The following MORC2 variants were observed in gnomAD, a reference collection of about 807,000 sequenced individuals.
MORC2 encodes the protein ATPase MORC2.
Under a neutral mutation model 136.0 loss-of-function variants are expected in MORC2, and 30 were observed. That is an observed-to-expected ratio of 0.22 (90% CI 0.17 to 0.30). The LOEUF (loss-of-function observed/expected upper bound fraction) is 0.30. MORC2 is among the 10% of genes least tolerant of loss of function. The pLI is 1.00. For synonymous variants in MORC2, 439 were observed against 487.0 expected, an observed-to-expected ratio of 0.90 and a Z score of 1.30; for missense variants, 922 against 1,333.1, an observed-to-expected ratio of 0.69 and a Z score of 4.80.
chr22:30,937,122 G>T lies in MORC2; in HGVS notation c.1499-85C>A. The stretch of plus-strand genomic sequence containing the variant: ...GGGTTCCTCACAGGCCCACCACAAT[G>T]ATGCCCCAGACTTTGTAGGCAAAGA... On this transcript the variant is annotated intron_variant, in intron 15 of 25. Coordinates refer to ENST00000397641, the MANE Select transcript of MORC2 (RefSeq NM_001303256.3). This position sits in a 1 kb window ranked among gnomAD's most constrained non-coding sequence, Gnocchi z 4.7. The T allele has an allele frequency of 1.1e-6, 1 of 918,254 alleles. No individual in the cohort carries two copies. The highest frequency in any genetic ancestry group is 1.8e-6 in the Non-Finnish European group (1 of 565,328). 56.9% of individuals were successfully genotyped at this position (918,254 alleles called of 1,614,324 possible). A position where few individuals can be genotyped will look rare whatever the true frequency, so the allele number is the denominator to read the frequency against.
chr22:30,956,928 AT>A, intron 2 of MORC2, 131 bp from the exon 3 acceptor site: 1 of 673,426 alleles, frequency 1.5e-6, no homozygotes, highest in Non-Finnish European at 2.3e-6. Context: ...TTCTATAGAC[AT>A]TTAGAATTTT....
intron 4 of MORC2, 40 bp downstream of exon 4, chr22:30,950,337 G>GCGGGGGGGGGCC: frequency 2.6e-6 from 2 of 761,758 alleles, no homozygotes; most frequent in Non-Finnish European, 4.7e-6. Context: ...TGGTTACATC[G>GCGGGGGGGGGCC]CACCCCCCCA....
intron 1 of MORC2, among the ~76,000 whole-genome samples, chr22:30,966,319 G>A (rs2041127957): frequency 6.6e-6 from 1 of 152,070 alleles, no homozygotes; most frequent in African/African-American, 2.4e-5. Flanking sequence ...CATTTAAGTG[G>A]CCTTCAACTG....
At position 30,934,600 on chromosome 22, in the gene MORC2, A is replaced by G. The variant is rs1330327464; in HGVS notation, c.2193+181T>C. 1.3e-5 allele frequency among the ~76,000 whole-genome samples: 2 copies of G among 152,138 alleles called. No individual in the cohort carries two copies. The highest frequency in any genetic ancestry group is 2.9e-5 in the Non-Finnish European group (2 of 68,024). On this transcript the variant is annotated intron_variant, in intron 19 of 25. Transcript: ENST00000397641. The surrounding 1 kb of genome is among the most constrained non-coding windows in gnomAD (Gnocchi z 4.4). The stretch of plus-strand genomic sequence containing the variant: ...GAAGAGCTCGCTGTACAGGCAACCG[A>G]TGTGCTGTCTGGCCCCAACAAGTCC...
intron 1 of MORC2, among the ~76,000 whole-genome samples, chr22:30,960,679 C>T (rs1042392977): frequency 3.3e-5 from 5 of 149,646 alleles, no homozygotes; most frequent in African/African-American, 4.9e-5. Context: ...TTAGTAGAGA[C>T]GGGGTTTCTC....
Position 30,946,326 on chromosome 22 carries a change from G to A in MORC2, c.426+15C>T, listed in dbSNP as rs761915648. The A allele has an allele frequency of 2.8e-5, 44 of 1,591,734 alleles. No individual in the cohort carries two copies. The highest frequency in any genetic ancestry group is 3.4e-5 in the Non-Finnish European group (40 of 1,165,118). On this transcript the variant is annotated intron_variant, in intron 6 of 25. Coordinates refer to ENST00000397641, the MANE Select transcript of MORC2 (RefSeq NM_001303256.3). The stretch of plus-strand genomic sequence containing the variant: ...AATGAGGACTGGTGATGCAGACCAC[G>A]ATGATGGGACCTACTTCATCAATGC...
At chr22:30,946,563 G>A in intron 5 of MORC2, 114 bp from the exon 6 acceptor site, 1 of 823,494 alleles carries the variant, frequency 1.2e-6, no homozygotes, top group Non-Finnish European at 1.9e-6. Context: ...CTCTCCTAAA[G>A]GCCCCCCCAG....
chr22:30,950,036 A>G (rs2040865732), intron 4 of MORC2, among the ~76,000 whole-genome samples, 194 bp from the exon 5 acceptor site: 1 of 152,120 alleles, frequency 6.6e-6, no homozygotes, highest in Non-Finnish European at 1.5e-5. Context: ...TATCACTGTG[A>G]CCTATGTTCT....
rs1189360546 is a variant in MORC2, at chr22:30,935,170, A to G, written c.1813-9T>C. ...GGTCTACGCACAGGTTCCTAAAAAAAGGCCCACAGAGAGTGAGAACACTGA... is the reference window on the plus strand; with the variant it reads ...GGTCTACGCACAGGTTCCTAAAAAAGGGCCCACAGAGAGTGAGAACACTGA... On this transcript the variant is annotated splice_polypyrimidine_tract_variant and intron_variant, in intron 18 of 25. Coordinates refer to ENST00000397641, the MANE Select transcript of MORC2 (RefSeq NM_001303256.3). 6.2e-7 allele frequency: 1 copy of G among 1,611,148 alleles called. No homozygotes were observed.
intron 12 of MORC2, 25 bp downstream of exon 12, chr22:30,939,596 A>G: frequency 6.2e-7 from 1 of 1,610,994 alleles, no homozygotes; most frequent in East Asian, 2.2e-5. Context: ...AGTTTAAAAG[A>G]TCCAAGGACA....
chr22:30,932,142 C>T lies in MORC2; in HGVS notation c.2841+217G>A. On this transcript the variant is annotated intron_variant, in intron 24 of 25. Transcript: ENST00000397641. This position sits in a 1 kb window ranked among gnomAD's most constrained non-coding sequence, Gnocchi z 4.4. The stretch of plus-strand genomic sequence containing the variant: ...CCTGTGGTGGGAAGGGGTTGGCTTT[C>T]TGCACACCAGAGTCATATCCAGCTA... 1 of 512,840 alleles carries T rather than the reference C, an allele frequency of 1.9e-6. No homozygotes were observed. The highest frequency in any genetic ancestry group is 1.9e-5 in the African/African-American group (1 of 52,320). 31.8% of individuals were successfully genotyped at this position (512,840 alleles called of 1,614,324 possible). A position where few individuals can be genotyped will look rare whatever the true frequency, so the allele number is the denominator to read the frequency against.
At chr22:30,951,570 G>A (rs1406802257) in intron 3 of MORC2, among the ~76,000 whole-genome samples, 1 of 152,218 alleles carries the variant, frequency 6.6e-6, no homozygotes, top group African/African-American at 2.4e-5. Context: ...GATAAAGGTA[G>A]CATTTCTAAG....
At chr22:30,942,356 A>C in intron 6 of MORC2, 85 bp from the exon 7 acceptor site, 1 of 1,458,228 alleles carries the variant, frequency 6.9e-7, no homozygotes, top group Non-Finnish European at 9.3e-7. Context: ...GTCCCTCCCC[A>C]CAGCAGCTCC....
chr22:30,968,657 G>C lies in MORC2; in HGVS notation c.-768C>G, dbSNP rs866441036. On this transcript the variant is annotated 5_prime_UTR_variant, in exon 1 of 26. Transcript: ENST00000397641. ...AGCCTCAGCCTCCCAGGCCCTTCCC[G>C]GGCCTCGGTCCCGTGGCCGCCTCCC... Among the ~76,000 whole-genome samples, 10 of 151,888 alleles carry C rather than the reference G, an allele frequency of 6.6e-5. No individual in the cohort carries two copies. Among genetic ancestry groups the C allele is most frequent in the Admixed American group, 4.6e-4 (7 of 15,266 alleles).
In MORC2 at chr22:30,967,901, G is replaced by C; in HGVS notation, c.-12C>G. 6.5e-7 allele frequency: 1 copy of C among 1,536,450 alleles called. No homozygotes were observed. Among genetic ancestry groups the C allele is most frequent in the South Asian group, 1.2e-5 (1 of 83,736 alleles). ...TTTGTGAAAGCCATGACTGCAATAA[G>C]GTCTCCAGCCCTTCACCCGCTAACT... On this transcript the variant is annotated 5_prime_UTR_variant, in exon 1 of 26. Transcript: ENST00000397641.
intron 20 of MORC2, among the ~76,000 whole-genome samples, 167 bp downstream of exon 20, chr22:30,933,893 G>A (rs957614140): frequency 1.3e-5 from 2 of 151,864 alleles, no homozygotes; most frequent in Non-Finnish European, 2.9e-5. Flanking sequence ...CTCATGACAC[G>A]AATATAAACA....
chr22:30,930,566 T>TA (rs1234106660), intron 24 of MORC2, among the ~76,000 whole-genome samples: 1 of 152,208 alleles, frequency 6.6e-6, no homozygotes, highest in African/African-American at 2.4e-5. Flanking sequence ...TTCTGAGCCT[T>TA]AGTTTCTTCA....
At chr22:30,952,055 T>C (rs1602502287) in intron 3 of MORC2, among the ~76,000 whole-genome samples, 1 of 152,206 alleles carries the variant, frequency 6.6e-6, no homozygotes, top group African/African-American at 2.4e-5. Flanking sequence ...GGAAGTACTA[T>C]TGGTTAGATA....
chr22:30,960,450 CTAAT>C (rs1337579621), intron 1 of MORC2, among the ~76,000 whole-genome samples: 3 of 152,098 alleles, frequency 2.0e-5, no homozygotes, highest in East Asian at 1.9e-4. Context: ...TGGGTAAAAT[CTAAT>C]TAATTATACT....
Sources: gnomAD v4.1 joint callset for allele counts (sites outside exome capture counted in the v4.1 genomes callset) on GRCh38, gnomAD v4.1.1 for gene constraint, Gnocchi (gnomAD v3.1) non-coding constraint, MANE v1.5 for transcripts, NCBI Gene and HGNC (gene_info 2026-07-23, HGNC 2026-07-21) for gene names.